The following MAN1A2 variants were observed in gnomAD, a reference collection of about 807,000 sequenced individuals.
MAN1A2 encodes the protein mannosyl-oligosaccharide 1,2-alpha-mannosidase IB.
MAN1A2 carries 26 observed loss-of-function variants against 75.7 expected under a neutral mutation model. That is an observed-to-expected ratio of 0.34 (90% CI 0.25 to 0.48). The LOEUF is 0.48. Ranked by LOEUF, MAN1A2 falls within the 20% of genes least tolerant of loss-of-function variation. MAN1A2 has a pLI of 0.99. For synonymous variants in MAN1A2, 247 were observed against 264.6 expected, an observed-to-expected ratio of 0.93 and a Z score of 0.65; for missense variants, 562 against 775.5, an observed-to-expected ratio of 0.72 and a Z score of 3.27.
At chr1:117,460,688 T>C (rs1649790473) in intron 7 of MAN1A2, 76 bp downstream of exon 7, 6 of 1,465,650 alleles carry the variant, frequency 4.1e-6, no homozygotes, top group Non-Finnish European at 5.4e-6. Flanking sequence ...TGATTAATGC[T>C]TAAAAGGTTT....
At chr1:117,381,282 C>A (rs1653325185) in intron 1 of MAN1A2, among the ~76,000 whole-genome samples, 1 of 152,034 alleles carries the variant, frequency 6.6e-6, no homozygotes, top group Non-Finnish European at 1.5e-5. Context: ...GTGTGCTGCA[C>A]CCATTAACTC....
Position 117,368,097 on chromosome 1 carries a change from G to A in MAN1A2, c.-87G>A, listed in dbSNP as rs2101708373. The A allele has an allele frequency of 1.5e-6, 2 of 1,341,850 alleles. No individual in the cohort carries two copies. Among genetic ancestry groups the A allele is most frequent in the South Asian group, 1.4e-5 (1 of 70,214 alleles). 83.1% of individuals were successfully genotyped at this position (1,341,850 alleles called of 1,614,324 possible). On this transcript the variant is annotated 5_prime_UTR_variant, in exon 1 of 13. Transcript: ENST00000356554. ...GAGCAAAATTGAGTTTTCCCATTTTGGCCAAGATTTTGAAGACAGTTCAAT... is the reference window on the plus strand; with the variant it reads ...GAGCAAAATTGAGTTTTCCCATTTTAGCCAAGATTTTGAAGACAGTTCAAT...
At chr1:117,400,249 C>T (rs928444171) in intron 1 of MAN1A2, among the ~76,000 whole-genome samples, 1 of 151,854 alleles carries the variant, frequency 6.6e-6, no homozygotes, top group Admixed American at 6.6e-5. Flanking sequence ...TGTTACTGAC[C>T]GTCTAGCCTA....
At chr1:117,492,169 C>A (rs2101872497) in intron 8 of MAN1A2, among the ~76,000 whole-genome samples, 1 of 152,198 alleles carries the variant, frequency 6.6e-6, no homozygotes, top group South Asian at 2.1e-4. Flanking sequence ...AACAGCACCA[C>A]AAGCTACAGA....
chr1:117,381,248 C>T (rs1298018851), intron 1 of MAN1A2, among the ~76,000 whole-genome samples: 9 of 152,010 alleles, frequency 5.9e-5, no homozygotes, highest in Admixed American at 4.6e-4. Context: ...AGGTTAGTTA[C>T]ATATGTATAC....
chr1:117,403,812 T>C (rs760293956), intron 2 of MAN1A2, among the ~76,000 whole-genome samples: 22 of 152,204 alleles, frequency 1.4e-4, no homozygotes, highest in Non-Finnish European at 3.1e-4. Context: ...TTGTTCAAAG[T>C]AAGTGGCGAG....
intron 1 of MAN1A2, among the ~76,000 whole-genome samples, chr1:117,387,216 T>TAA (rs565416366): frequency 0.015 from 1,825 of 125,528 alleles, 39 homozygotes; most frequent in African/African-American, 0.045. Context: ...ATGGCTGTTG[T>TAA]AAAAAAAAAA....
chr1:117,409,193 C>A (rs957339863), intron 3 of MAN1A2, among the ~76,000 whole-genome samples: 9 of 151,798 alleles, frequency 5.9e-5, no homozygotes, highest in African/African-American at 2.2e-4. Flanking sequence ...TCTTGTTTTT[C>A]CAGTGTCTTG....
intron 5 of MAN1A2, among the ~76,000 whole-genome samples, chr1:117,441,113 G>A (rs1649015529): frequency 6.6e-6 from 1 of 152,152 alleles, no homozygotes; most frequent in African/African-American, 2.4e-5. Flanking sequence ...CTTGTGCCTT[G>A]TTGAGGGAAC....
chr1:117,522,631 A>T (rs1292633084), intron 12 of MAN1A2, among the ~76,000 whole-genome samples, 194 bp from the exon 13 acceptor site: 1 of 151,450 alleles, frequency 6.6e-6, no homozygotes, highest in African/African-American at 2.4e-5. Context: ...ATCTTACTGG[A>T]TTTCTTATAC....
At chr1:117,392,785 G>C (rs1273287415) in intron 1 of MAN1A2, among the ~76,000 whole-genome samples, 1 of 152,214 alleles carries the variant, frequency 6.6e-6, no homozygotes, top group Non-Finnish European at 1.5e-5. Context: ...ACTAGAGACA[G>C]TAAGTTTGTG....
intron 1 of MAN1A2, among the ~76,000 whole-genome samples, chr1:117,384,018 T>C (rs963766011): frequency 1.3e-5 from 2 of 152,208 alleles, no homozygotes; most frequent in African/African-American, 4.8e-5. Flanking sequence ...CTTCTCTGTT[T>C]TTCTTCTTTG....
At chr1:117,368,550 ATCTG>A in intron 1 of MAN1A2, 65 bp downstream of exon 1, 2 of 1,406,386 alleles carry the variant, frequency 1.4e-6, no homozygotes, top group Non-Finnish European at 9.7e-7. Context: ...ATTGGATCGA[ATCTG>A]TCTTTTTTTT....
intron 3 of MAN1A2, among the ~76,000 whole-genome samples, chr1:117,413,554 G>T (rs1174720042): frequency 3.3e-5 from 5 of 151,872 alleles, no homozygotes; most frequent in Non-Finnish European, 5.9e-5. Context: ...TACCTCGCTG[G>T]AGTCGTAACC....
Position 117,496,815 on chromosome 1 carries a change from G to C in MAN1A2, c.1337G>C (p.Gly446Ala), listed in dbSNP as rs1651048443. Residue 446 changes from glycine to alanine, a missense_variant, in exon 10 of 13, where the codon GGA becomes GCA. Coordinates refer to ENST00000356554, the MANE Select transcript of MAN1A2 (RefSeq NM_006699.5). Reference sequence around the variant, plus strand: ...TCTCGTGGAGGTCTTACCTTTATTGGAGAATGGAAGAATGGGCACTTGGAA... The same window carrying C: ...TCTCGTGGAGGTCTTACCTTTATTGCAGAATGGAAGAATGGGCACTTGGAA... ...KKSRGGLTFI[G>A]EWKNGHLEKK... is the part of the protein sequence containing the mutation. The C allele has an allele frequency of 6.2e-7, 1 of 1,612,568 alleles. No homozygotes were observed.
At chr1:117,484,893 A>C (rs899846349) in intron 8 of MAN1A2, among the ~76,000 whole-genome samples, 1 of 151,850 alleles carries the variant, frequency 6.6e-6, no homozygotes, top group African/African-American at 2.4e-5. Context: ...TATTTTCTCT[A>C]TTTCTAGGCC....
intron 6 of MAN1A2, among the ~76,000 whole-genome samples, chr1:117,459,011 T>C (rs1649723270): frequency 1.3e-5 from 2 of 152,060 alleles, no homozygotes; most frequent in South Asian, 4.1e-4. Context: ...ACAAAATATA[T>C]AAAACCAAAT....
intron 6 of MAN1A2, among the ~76,000 whole-genome samples, chr1:117,460,067 A>G (rs950143104): frequency 4.4e-5 from 5 of 113,666 alleles, no homozygotes; most frequent in African/African-American, 1.6e-4. Flanking sequence ...TACAACTGTA[A>G]AAAAAAAAAA....
chr1:117,468,626 TTTAA>T (rs1463031529), intron 8 of MAN1A2, among the ~76,000 whole-genome samples: 1 of 152,042 alleles, frequency 6.6e-6, no homozygotes, highest in Non-Finnish European at 1.5e-5. Context: ...TTAACTTACA[TTTAA>T]TTAGCTACTT....
Sources: gnomAD v4.1 joint callset for allele counts (sites outside exome capture counted in the v4.1 genomes callset) on GRCh38, gnomAD v4.1.1 for gene constraint, MANE v1.5 for transcripts, NCBI Gene and HGNC (gene_info 2026-07-23, HGNC 2026-07-21) for gene names.